The following KLHL1 variants were observed in gnomAD, a reference collection of about 807,000 sequenced individuals.
KLHL1 encodes the protein kelch-like protein 1.
In KLHL1, 47 loss-of-function variants were observed where a neutral mutation model predicts 77.7. The ratio of observed to expected loss-of-function variants is 0.60; its 90% confidence interval spans 0.48 to 0.77. The LOEUF is 0.77. Ranked by LOEUF, KLHL1 falls within the 30% of genes least tolerant of loss-of-function variation. The pLI is 0.00. For synonymous variants in KLHL1, 360 were observed against 325.2 expected, an observed-to-expected ratio of 1.11 and a Z score of -1.15; for missense variants, 925 against 910.8, an observed-to-expected ratio of 1.02 and a Z score of -0.20.
chr13:70,029,939 G>T (rs9564641), intron 1 of KLHL1, among the ~76,000 whole-genome samples: 53,798 of 151,854 alleles, frequency 0.35, 10,628 homozygotes, highest in African/African-American at 0.55. Context: ...AAAAAGGCAG[G>T]GGTTGCAATC....
chr13:69,712,760 GT>G (rs67612326), intron 9 of KLHL1, among the ~76,000 whole-genome samples: 91,973 of 126,258 alleles, frequency 0.73, 34,202 homozygotes, highest in East Asian at 0.96. Flanking sequence ...TTTGTTTTTT[GT>G]TTTTTTTTTT....
rs576939383 is a variant in KLHL1 at position 70,031,618 on chromosome 13, T to C, written c.498-55816A>G. Among the ~76,000 whole-genome samples the C allele has an allele frequency of 2.6e-5, 4 of 152,298 alleles. No homozygotes were observed. In the South Asian group the frequency reaches 6.2e-4, roughly 24 times the overall value. On this transcript the variant is annotated intron_variant, in intron 1 of 10. Transcript: ENST00000377844. ...AGGTTATAGTTCCTCGTGCTATTTA[T>C]AAATCTGTGTTGAGGTAACAGGATC...
At chr13:69,713,510 C>T (rs1214488255) in intron 9 of KLHL1, among the ~76,000 whole-genome samples, 2 of 151,968 alleles carry the variant, frequency 1.3e-5, no homozygotes, top group Non-Finnish European at 2.9e-5. Flanking sequence ...ATCATTTTTT[C>T]ACTTATTCAG....
Position 70,107,798 on chromosome 13 carries a change from G to A in KLHL1, c.-99C>T, listed in dbSNP as rs1022325661. On this transcript the variant is annotated 5_prime_UTR_variant, in exon 1 of 11. Transcript: ENST00000377844. ...GGGGCCCGGGGGCGGAGGAAGAGGC[G>A]GGATGCGCCCTCTGCACCCCTAGAG... 9.3e-5 allele frequency: 84 copies of A among 901,934 alleles called. No individual in the cohort carries two copies. In the South Asian group the frequency reaches 1.4e-3, roughly 15 times the overall value. The allele number at this position is 901,934 out of a possible 1,614,324, so 55.9% of individuals were successfully genotyped here.
chr13:69,957,531 C>T lies in KLHL1; in HGVS notation c.817+3777G>A, dbSNP rs1312871039. 2.6e-5 allele frequency among the ~76,000 whole-genome samples: 4 copies of T among 151,702 alleles called. No homozygotes were observed. The East Asian group carries it at 7.8e-4, about 29-fold the overall frequency. ...GATAAATCCATTGTAAGCTAAGGAG[C>T]ATCGACATATATAGTTTACATTGTG... On this transcript the variant is annotated intron_variant, in intron 3 of 10. Coordinates refer to ENST00000377844, the MANE Select transcript of KLHL1 (RefSeq NM_020866.3).
chr13:70,001,384 T>A (rs1295815938), intron 1 of KLHL1, among the ~76,000 whole-genome samples: 2 of 151,218 alleles, frequency 1.3e-5, no homozygotes, highest in Non-Finnish European at 3.0e-5. Flanking sequence ...ATAGAAGTAT[T>A]TCCACCTCAT....
At position 69,964,848 on chromosome 13, in the gene KLHL1, T is replaced by A. The variant is rs142046561; in HGVS notation, c.681-3404A>T. Reference sequence around the variant, plus strand: ...TTTTCTAATACTTTAAACAACTGGGTCATCTCTTGGTCAATTTCCATTGAC... The same window carrying A: ...TTTTCTAATACTTTAAACAACTGGGACATCTCTTGGTCAATTTCCATTGAC... On this transcript the variant is annotated intron_variant, in intron 2 of 10. Coordinates refer to ENST00000377844, the MANE Select transcript of KLHL1 (RefSeq NM_020866.3). Among the ~76,000 whole-genome samples, 229 of 152,284 alleles carry A rather than the reference T, an allele frequency of 1.5e-3. 1 individual carries two copies. The highest frequency in any genetic ancestry group is 6.8e-3 in the Middle Eastern group (2 of 294).
At chr13:69,915,546 A>G (rs1334297189) in intron 4 of KLHL1, among the ~76,000 whole-genome samples, 1 of 152,214 alleles carries the variant, frequency 6.6e-6, no homozygotes, top group Non-Finnish European at 1.5e-5. Context: ...CCATATGTAG[A>G]AAGCTGAAAC....
At chr13:69,896,853 A>G (rs571161222) in intron 4 of KLHL1, among the ~76,000 whole-genome samples, 36 of 151,882 alleles carry the variant, frequency 2.4e-4, no homozygotes, top group African/African-American at 8.5e-4. Flanking sequence ...TGTATTTTTT[A>G]ATAGAAACGG....
At chr13:69,995,187 C>T (rs1347419870) in intron 1 of KLHL1, among the ~76,000 whole-genome samples, 1 of 151,986 alleles carries the variant, frequency 6.6e-6, no homozygotes, top group Non-Finnish European at 1.5e-5. Flanking sequence ...ACCATATACC[C>T]CACACTCCCA....
intron 7 of KLHL1, among the ~76,000 whole-genome samples, chr13:69,773,863 C>CTATATATATATATATA (rs72007331): frequency 1.7e-4 from 25 of 145,974 alleles, no homozygotes; most frequent in African/African-American, 6.3e-4. Flanking sequence ...AAGTCCTTGG[C>CTATATATATATATATA]TATATATATA....
At chr13:69,704,375 C>A (rs1335488672) in intron 10 of KLHL1, among the ~76,000 whole-genome samples, 1 of 151,632 alleles carries the variant, frequency 6.6e-6, no homozygotes, top group East Asian at 1.9e-4. Context: ...ATTCAGTCTT[C>A]CACATAGCTC....
At chr13:69,969,198 T>C (rs1884310006) in intron 2 of KLHL1, among the ~76,000 whole-genome samples, 1 of 152,160 alleles carries the variant, frequency 6.6e-6, no homozygotes, top group African/African-American at 2.4e-5. Flanking sequence ...ACCATGTAAT[T>C]CATGCATTTA....
intron 1 of KLHL1, among the ~76,000 whole-genome samples, chr13:70,086,751 C>T (rs758686624): frequency 6.7e-6 from 1 of 148,796 alleles, no homozygotes; most frequent in Non-Finnish European, 1.5e-5. Context: ...GTAGTGCCTG[C>T]AGGCAGGCAA....
chr13:69,941,018 T>C (rs558868858), intron 3 of KLHL1, among the ~76,000 whole-genome samples: 16 of 152,000 alleles, frequency 1.1e-4, no homozygotes, highest in Non-Finnish European at 1.9e-4. Context: ...AAGTGAGTTT[T>C]ACAAGTTGTA....
chr13:69,715,689 A>G (rs2137887259), intron 9 of KLHL1, among the ~76,000 whole-genome samples: 1 of 152,190 alleles, frequency 6.6e-6, no homozygotes, highest in Non-Finnish European at 1.5e-5. Context: ...ATTGCTCACC[A>G]ATAGCAAACA....
chr13:69,993,473 C>G (rs567777638), intron 1 of KLHL1, among the ~76,000 whole-genome samples: 59 of 152,104 alleles, frequency 3.9e-4, no homozygotes, highest in African/African-American at 1.4e-3. Flanking sequence ...GTTCAGGACT[C>G]TAAACACACT....
Position 69,946,570 on chromosome 13 carries a change from T to G in KLHL1, c.818-6334A>C, listed in dbSNP as rs192093260. ...TTCTGTCATCTGGGCTGAAGGGCAG[T>G]GGCATGATCCTAGCTCACTGCATGC... On this transcript the variant is annotated intron_variant, in intron 3 of 10. Transcript: ENST00000377844. Among the ~76,000 whole-genome samples, 29 of 152,278 alleles carry G rather than the reference T, an allele frequency of 1.9e-4. No individual in the cohort carries two copies. The East Asian group carries it at 4.1e-3, about 21-fold the overall frequency.
At chr13:70,023,216 A>G (rs985473771) in intron 1 of KLHL1, among the ~76,000 whole-genome samples, 15 of 151,944 alleles carry the variant, frequency 9.9e-5, no homozygotes, top group African/African-American at 3.1e-4. Context: ...AGTTATAAAA[A>G]TACTATCCTC....
Sources: allele counts gnomAD v4.1 joint callset (sites outside exome capture counted in the v4.1 genomes callset), GRCh38; gene constraint gnomAD v4.1.1; transcripts MANE v1.5; gene names NCBI Gene and HGNC (gene_info 2026-07-23, HGNC 2026-07-21).